Variants in ABR observed in about 807,000 individuals in gnomAD.
The protein encoded by ABR is ABR activator of RhoGEF and GTPase, also known as active breakpoint cluster region-related protein.
A neutral mutation model predicts 107.2 loss-of-function variants in ABR; 35 were observed. The ratio of observed to expected loss-of-function variants is 0.33; its 90% CI spans 0.25 to 0.43. The LOEUF is 0.43. Among genes scored for constraint, ABR ranks in the 20% least tolerant of loss-of-function variants. ABR has a pLI of 1.00. For missense variants in ABR, 815 were observed against 1,115.2 expected, an observed-to-expected ratio of 0.73 and a Z score of 3.83; for synonymous variants, 498 against 462.0, an observed-to-expected ratio of 1.08 and a Z score of -1.00.
chr17:1,059,890 A>T (rs1206530497), intron 10 of ABR, among the ~76,000 whole-genome samples: 2 of 152,178 alleles, frequency 1.3e-5, no homozygotes, highest in Non-Finnish European at 2.9e-5. Flanking sequence ...CACACACCGC[A>T]GGGGGAATGC....
At chr17:1,189,476 G>C (rs1051188261), upstream of ABR, among the ~76,000 whole-genome samples, 3 of 151,728 alleles carry the variant, frequency 2.0e-5, no homozygotes, top group East Asian at 5.8e-4. Flanking sequence ...AGTCTCCCGA[G>C]TCACTGCTGT....
In ABR at chr17:1,078,780, G is replaced by C. The variant is rs2035950946; in HGVS notation, c.700+550C>G. 6.5e-7 allele frequency: 1 copy of C among 1,529,554 alleles called. No homozygotes were observed. Among genetic ancestry groups the C allele is most frequent in the Admixed American group, 2.0e-5 (1 of 50,904 alleles). The allele number at this position is 1,529,554 out of a possible 1,614,324, so 94.7% of individuals were successfully genotyped here. ...CCAGCCGGCCCCCAGAGGTGGGAGG[G>C]TCCGCCACCTCCCACAGCGAGCACC... On this transcript the variant is annotated intron_variant, in intron 6 of 22. Coordinates refer to ENST00000302538, the MANE Select transcript of ABR (RefSeq NM_021962.5). This position sits in a 1 kb window ranked among gnomAD's most constrained non-coding sequence, Gnocchi z 7.5.
intron 1 of ABR, 111 bp from the exon 2 acceptor site, chr17:1,125,478 C>T (rs549820717): frequency 2.3e-6 from 3 of 1,281,566 alleles, no homozygotes; most frequent in Admixed American, 3.9e-5. Flanking sequence ...CCCGGCCGCA[C>T]CATCCACGCC....
intron 1 of ABR, chr17:1,153,855 G>A (rs1055095614): frequency 1.9e-5 from 4 of 209,680 alleles, no homozygotes; most frequent in South Asian, 5.3e-5. Flanking sequence ...CCTGTCACAC[G>A]CATCACATGG....
intron 1 of ABR, among the ~76,000 whole-genome samples, chr17:1,141,808 G>C (rs1232680181): frequency 6.6e-6 from 1 of 151,114 alleles, no homozygotes; most frequent in Non-Finnish European, 1.5e-5. Flanking sequence ...TCCCACGCTA[G>C]AGTACAATGG....
At position 1,073,309 on chromosome 17, in the gene ABR, GAGC is replaced by G. The variant is rs1211649508; in HGVS notation, c.753+313_753+315del. Among the ~76,000 whole-genome samples, 11 of 151,512 alleles carry G rather than the reference GAGC, an allele frequency of 7.3e-5. No individual in the cohort carries two copies. The East Asian group carries it at 2.1e-3, about 29-fold the overall frequency. On this transcript the variant is annotated intron_variant, in intron 7 of 22. Transcript: ENST00000302538. ...AGACCAGGTGGAGGCTCATCCCCCCGAGCAGCTGGGAGAGAAACCCTGTGTCTG... is the reference window on the plus strand; with the variant it reads ...AGACCAGGTGGAGGCTCATCCCCCCGAGCTGGGAGAGAAACCCTGTGTCTG...
At chr17:1,111,776 GC>G (rs2038689288) in intron 2 of ABR, among the ~76,000 whole-genome samples, 1 of 152,188 alleles carries the variant, frequency 6.6e-6, no homozygotes, top group African/African-American at 2.4e-5. Context: ...CAGAGAAGCA[GC>G]CCTTCTCCCT....
At chr17:1,216,115 A>G (rs1049870409) in intron 1 of ABR, among the ~76,000 whole-genome samples, 37 of 151,538 alleles carry the variant, frequency 2.4e-4, no homozygotes, top group Admixed American at 1.8e-3. Context: ...TCCCTCCACT[A>G]TTGTCCTATG....
At chr17:1,215,683 C>A (rs930849265) in intron 1 of ABR, among the ~76,000 whole-genome samples, 2 of 152,106 alleles carry the variant, frequency 1.3e-5, no homozygotes, top group African/African-American at 4.8e-5. Context: ...GTGTACCCAG[C>A]AGCTCATTGA....
Position 1,071,678 on chromosome 17 carries a change from A to G in ABR, c.894+936T>C, listed in dbSNP as rs981193305. On this transcript the variant is annotated intron_variant, in intron 8 of 22. Transcript: ENST00000302538. The surrounding 1 kb of genome is among the most constrained non-coding windows in gnomAD (Gnocchi z 5.1). ...CCACTGCGTGTGCAGGCCGAGCTGA[A>G]GCAGCTCCAAGCTCCTGCTCCCTTC... Among the ~76,000 whole-genome samples the G allele has an allele frequency of 1.3e-5, 2 of 152,206 alleles. No homozygotes were observed. The highest frequency in any genetic ancestry group is 2.9e-5 in the Non-Finnish European group (2 of 68,030).
chr17:1,228,732 C>G (rs1237880046), intron 1 of ABR: 1 of 151,868 alleles, frequency 6.6e-6, no homozygotes, highest in Non-Finnish European at 1.5e-5. Context: ...GGAAGGGGTC[C>G]CGGCAGCCCG....
At chr17:1,175,585 C>T (rs564326936) in intron 1 of ABR, among the ~76,000 whole-genome samples, 2 of 152,298 alleles carry the variant, frequency 1.3e-5, no homozygotes, top group East Asian at 3.9e-4. Context: ...GACTCTGCTC[C>T]CATCAGCCCC....
At chr17:1,038,854 C>T (rs943391100) in intron 16 of ABR, among the ~76,000 whole-genome samples, 7 of 152,228 alleles carry the variant, frequency 4.6e-5, no homozygotes, top group East Asian at 3.8e-4. Flanking sequence ...TCAGAAAACA[C>T]GGAAAGTGGG....
chr17:1,021,683 A>G (rs1384393004), intron 16 of ABR, among the ~76,000 whole-genome samples: 2 of 151,948 alleles, frequency 1.3e-5, no homozygotes, highest in East Asian at 1.9e-4. Context: ...GGGTGCCTGT[A>G]ATCCCAGCTA....
chr17:1,192,216 A>G (rs952204053), upstream of ABR, among the ~76,000 whole-genome samples: 8 of 152,224 alleles, frequency 5.3e-5, no homozygotes, highest in South Asian at 1.2e-3. Context: ...GGCTCAAGCA[A>G]TCCTCCTGCC....
upstream of ABR, among the ~76,000 whole-genome samples, chr17:1,188,999 C>T (rs1342913566): frequency 6.6e-6 from 1 of 152,208 alleles, no homozygotes. Context: ...AACCTCGTGA[C>T]TCCTAATTTC....
intron 1 of ABR, among the ~76,000 whole-genome samples, chr17:1,139,239 G>T (rs1478521241): frequency 6.6e-6 from 1 of 151,844 alleles, no homozygotes; most frequent in Non-Finnish European, 1.5e-5. Context: ...AAAAAAAGAG[G>T]TTTTTTTTGT....
intron 16 of ABR, among the ~76,000 whole-genome samples, chr17:1,022,106 CAAAA>C (rs759234729): frequency 5.1e-5 from 2 of 39,228 alleles, no homozygotes; most frequent in African/African-American, 1.5e-4. Context: ...GACTCTGTCT[CAAAA>C]AAAAAAAAAA....
At chr17:1,229,376 G>T (rs1177618449) in exon 1 of ABR, among the ~76,000 whole-genome samples, 1 of 146,436 alleles carries the variant, frequency 6.8e-6, no homozygotes, top group African/African-American at 2.7e-5. Context: ...CGGGGTCCCC[G>T]CGGGGAGACT....
Sources: gnomAD v4.1 joint callset for allele counts (sites outside exome capture counted in the v4.1 genomes callset) on GRCh38, gnomAD v4.1.1 for gene constraint, Gnocchi (gnomAD v3.1) non-coding constraint, MANE v1.5 for transcripts, NCBI Gene and HGNC (gene_info 2026-07-23, HGNC 2026-07-21) for gene names.